The following C16orf87 variants were observed in gnomAD, a reference collection of about 807,000 sequenced individuals.
C16orf87 encodes HDAC and MIER1 interacting protein 1.
Under a neutral mutation model 21.0 loss-of-function variants are expected in C16orf87, and 13 were observed. The ratio of observed to expected loss-of-function variants is 0.62; its 90% confidence interval spans 0.40 to 0.98. C16orf87 has a LOEUF of 0.98. C16orf87 is among the 50% of genes least tolerant of loss of function. C16orf87 has a pLI of 0.00. For missense variants in C16orf87, 113 were observed against 180.4 expected, an observed-to-expected ratio of 0.63 and a Z score of 2.14; for synonymous variants, 49 against 60.2, an observed-to-expected ratio of 0.81 and a Z score of 0.86.
rs1468446727 is a variant in C16orf87 at position 46,830,988 on chromosome 16, C to T, written c.66+96G>A. 3.1e-6 allele frequency: 3 copies of T among 957,894 alleles called. No individual in the cohort carries two copies. The East Asian group carries it at 1.0e-4, about 33-fold the overall frequency. The allele number at this position is 957,894 out of a possible 1,614,324, so 59.3% of individuals were successfully genotyped here. On this transcript the variant is annotated intron_variant, in intron 1 of 3. Transcript: ENST00000285697. ...GCCGGCGGGCCCCAGGATCTGCCCA[C>T]CGCTCGGCCTCCGGGAGCCCGGCGA...
chr16:46,803,348 G>A (rs1045130978), intron 3 of C16orf87, among the ~76,000 whole-genome samples: 1 of 152,100 alleles, frequency 6.6e-6, no homozygotes, highest in African/African-American at 2.4e-5. Flanking sequence ...TCTCCTCACT[G>A]TCTCAATCAA....
chr16:46,830,260 G>GAC (rs1959789622), intron 1 of C16orf87, among the ~76,000 whole-genome samples: 1 of 132,026 alleles, frequency 7.6e-6, no homozygotes, highest in Admixed American at 8.3e-5. Context: ...GAGATAGAGA[G>GAC]AGACAGACAG....
At chr16:46,816,805 A>G (rs1968258973) in intron 2 of C16orf87, among the ~76,000 whole-genome samples, 1 of 152,098 alleles carries the variant, frequency 6.6e-6, no homozygotes, top group Admixed American at 6.6e-5. Context: ...GAAACTGGGT[A>G]AGGTTTCCAG....
chr16:46,829,739 C>G (rs1959770196), intron 1 of C16orf87, among the ~76,000 whole-genome samples: 1 of 152,040 alleles, frequency 6.6e-6, no homozygotes, highest in African/African-American at 2.4e-5. Flanking sequence ...TGGTATAGCT[C>G]CTACACTGTA....
At chr16:46,808,793 G>A (rs191729008) in intron 3 of C16orf87, among the ~76,000 whole-genome samples, 2 of 152,010 alleles carry the variant, frequency 1.3e-5, no homozygotes, top group Admixed American at 6.6e-5. Context: ...ACAAGCTATT[G>A]GTAGATATTC....
intron 2 of C16orf87, among the ~76,000 whole-genome samples, chr16:46,815,963 C>A (rs915654758): frequency 3.9e-5 from 6 of 152,068 alleles, no homozygotes; most frequent in Non-Finnish European, 1.5e-5. Context: ...GCATTATTCA[C>A]AATAGCAAAA....
intron 3 of C16orf87, 59 bp downstream of exon 3, chr16:46,809,544 T>C: frequency 8.4e-7 from 1 of 1,185,134 alleles, no homozygotes; most frequent in Non-Finnish European, 1.2e-6. Flanking sequence ...CACTACTACC[T>C]AATTAAGATC....
rs1056995727 is a variant in C16orf87, at chr16:46,797,573, T to C, written c.*5379A>G. ...CACATTGTCCAGGCTGGTCTCGAAC[T>C]CCTGGACTTAAGCAATCTGCTCGCC... On this transcript the variant is annotated 3_prime_UTR_variant, in exon 4 of 4. Transcript: ENST00000285697. 1 of 152,214 alleles carries C rather than the reference T, an allele frequency of 6.6e-6. No individual in the cohort carries two copies. The highest frequency in any genetic ancestry group is 6.6e-5 in the Admixed American group (1 of 15,266). 9.4% of individuals were successfully genotyped at this position (152,214 alleles called of 1,614,324 possible).
chr16:46,814,040 GA>G (rs1410231258), intron 2 of C16orf87, among the ~76,000 whole-genome samples: 1 of 152,092 alleles, frequency 6.6e-6, no homozygotes, highest in African/African-American at 2.4e-5. Context: ...TGAATGAGAA[GA>G]AACATGGGAA....
rs968320477 is a variant in C16orf87 at position 46,797,863 on chromosome 16, C to A, written c.*5089G>T. 6.6e-6 allele frequency: 1 copy of A among 151,778 alleles called. No individual in the cohort carries two copies. Among genetic ancestry groups the A allele is most frequent in the Non-Finnish European group, 1.5e-5 (1 of 67,940 alleles). The allele number at this position is 151,778 out of a possible 1,614,324, so 9.4% of individuals were successfully genotyped here. On this transcript the variant is annotated 3_prime_UTR_variant, in exon 4 of 4. Transcript: ENST00000285697. ...AAAAACAATAAATTACAATCAGTAA[C>A]AGAAAGATAACTGAAAAAAACTCTA...
rs995691420 is a variant in C16orf87, at chr16:46,801,551, G to C, written c.*1401C>G. On this transcript the variant is annotated 3_prime_UTR_variant, in exon 4 of 4. Transcript: ENST00000285697. The stretch of plus-strand genomic sequence containing the variant: ...AAATAAATAAAATGCATACAAAATA[G>C]TTGCAGTAGTACCTGCAGATAGATA... 5.9e-5 allele frequency: 9 copies of C among 152,102 alleles called. No individual in the cohort carries two copies. The highest frequency in any genetic ancestry group is 2.2e-4 in the African/African-American group (9 of 41,414). The allele number at this position is 152,102 out of a possible 1,614,324, so 9.4% of individuals were successfully genotyped here. A position where few individuals can be genotyped will look rare whatever the true frequency, so the allele number is the denominator to read the frequency against.
intron 1 of C16orf87, among the ~76,000 whole-genome samples, chr16:46,827,703 C>G (rs1959669537): frequency 6.6e-6 from 1 of 151,744 alleles, no homozygotes; most frequent in Non-Finnish European, 1.5e-5. Context: ...CTTCCTTAGC[C>G]TCCTGTGTAG....
chr16:46,804,091 T>C (rs187192557), intron 3 of C16orf87, among the ~76,000 whole-genome samples: 2 of 152,360 alleles, frequency 1.3e-5, no homozygotes, highest in Non-Finnish European at 2.9e-5. Flanking sequence ...ATTCTCTTTT[T>C]ACTTGCTTAG....
chr16:46,797,578 G>A lies in C16orf87; in HGVS notation c.*5374C>T, dbSNP rs1209898456. 1 of 152,046 alleles carries A rather than the reference G, an allele frequency of 6.6e-6. No homozygotes were observed. Among genetic ancestry groups the A allele is most frequent in the Admixed American group, 6.6e-5 (1 of 15,232 alleles). 9.4% of individuals were successfully genotyped at this position (152,046 alleles called of 1,614,324 possible). On this transcript the variant is annotated 3_prime_UTR_variant, in exon 4 of 4. Transcript: ENST00000285697. Reference sequence around the variant, plus strand: ...TGTCCAGGCTGGTCTCGAACTCCTGGACTTAAGCAATCTGCTCGCCTCGGC... The same window carrying A: ...TGTCCAGGCTGGTCTCGAACTCCTGAACTTAAGCAATCTGCTCGCCTCGGC...
chr16:46,805,072 T>TA (rs1236447687), intron 3 of C16orf87, among the ~76,000 whole-genome samples: 4 of 152,210 alleles, frequency 2.6e-5, no homozygotes, highest in African/African-American at 9.6e-5. Context: ...TTTCTCTTTT[T>TA]AACCATCATT....
intron 2 of C16orf87, among the ~76,000 whole-genome samples, chr16:46,815,085 G>T (rs1968200404): frequency 6.6e-6 from 1 of 152,078 alleles, no homozygotes; most frequent in Non-Finnish European, 1.5e-5. Context: ...ACAGTCAAAG[G>T]ATTTTCAATA....
At chr16:46,825,072 A>C (rs1034749629) in intron 1 of C16orf87, among the ~76,000 whole-genome samples, 3 of 152,224 alleles carry the variant, frequency 2.0e-5, no homozygotes, top group Non-Finnish European at 4.4e-5. Context: ...TGACCAATAG[A>C]AAACTGTAAT....
chr16:46,816,631 A>G (rs1968251797), intron 2 of C16orf87, among the ~76,000 whole-genome samples: 1 of 152,228 alleles, frequency 6.6e-6, no homozygotes, highest in African/African-American at 2.4e-5. Context: ...AGATATCCCT[A>G]TGACAGAACT....
chr16:46,829,800 G>T (rs994500182), intron 1 of C16orf87, among the ~76,000 whole-genome samples: 1 of 151,924 alleles, frequency 6.6e-6, no homozygotes, highest in Admixed American at 6.6e-5. Flanking sequence ...GCCCATAAAG[G>T]ATACTTAATA....
Sources: allele counts gnomAD v4.1 joint callset (sites outside exome capture counted in the v4.1 genomes callset), GRCh38; gene constraint gnomAD v4.1.1; transcripts MANE v1.5; gene names NCBI Gene and HGNC (gene_info 2026-07-23, HGNC 2026-07-21).